Variants in MAST4 observed in about 807,000 individuals in gnomAD.
The protein encoded by MAST4 is microtubule associated serine/threonine kinase family member 4, also known as microtubule-associated serine/threonine-protein kinase 4.
MAST4 carries 89 observed loss-of-function variants against 162.7 expected under a neutral mutation model. The observed-to-expected ratio is 0.55, with a 90% CI of 0.46 to 0.65. The LOEUF is 0.65. MAST4 is among the 30% of genes least tolerant of loss of function. MAST4 has a pLI of 0.00. For missense variants in MAST4, 3,153 were observed against 3,374.0 expected (o/e 0.93, Z 1.62); for synonymous variants, 1,479 against 1,361.1 (o/e 1.09, Z -1.91).
chr5:67,121,158 T>G, intron 14 of MAST4, 56 bp downstream of exon 14: 1 of 1,346,008 alleles, frequency 7.4e-7, no homozygotes, highest in South Asian at 1.3e-5. Context: ...AGTGATATAT[T>G]TATTCTTAAC....
At chr5:66,709,168 CA>C (rs1366676825) in intron 1 of MAST4, among the ~76,000 whole-genome samples, 10 of 151,960 alleles carry the variant, frequency 6.6e-5, no homozygotes, top group African/African-American at 2.2e-4. Context: ...TCCAGGAAAG[CA>C]CCAAGAATAT....
intron 5 of MAST4, among the ~76,000 whole-genome samples, chr5:67,078,307 A>G (rs923031699): frequency 2.0e-5 from 3 of 150,812 alleles, no homozygotes; most frequent in African/African-American, 4.9e-5. Flanking sequence ...CCAGTCTTCA[A>G]TATATTGACA....
rs1774039200 is a variant in MAST4 at position 67,166,726 on chromosome 5, CAA to C, written c.7549_7550del (p.Lys2517GlufsTer2). On this transcript the variant is annotated frameshift_variant, in exon 29 of 29. Transcript: ENST00000403625. LOFTEE classifies it low-confidence loss of function (END_TRUNC). ...GCCGGGGAGGGCCGAACCCACATGACAAAGAGTGACTCCCTGCCCTCCTTCCG... is the reference window on the plus strand; with the variant it reads ...GCCGGGGAGGGCCGAACCCACATGACAGAGTGACTCCCTGCCCTCCTTCCG... 6.3e-7 allele frequency: 1 copy of C among 1,589,940 alleles called. No individual in the cohort carries two copies. Among genetic ancestry groups the C allele is most frequent in the Non-Finnish European group, 8.6e-7 (1 of 1,168,376 alleles).
At chr5:66,897,886 A>C (rs464731) in intron 3 of MAST4, among the ~76,000 whole-genome samples, 2 of 152,000 alleles carry the variant, frequency 1.3e-5, no homozygotes, top group Non-Finnish European at 1.5e-5. Flanking sequence ...TCTCAGAGCA[A>C]AGCAGCCAGT....
chr5:66,870,862 T>G, intron 3 of MAST4: 1 of 471,440 alleles, frequency 2.1e-6, no homozygotes, highest in Non-Finnish European at 4.4e-6. Flanking sequence ...AGTGAGTGTG[T>G]CCTGTTGCCC....
chr5:67,124,745 T>G (rs1768008082), intron 14 of MAST4, among the ~76,000 whole-genome samples: 1 of 152,208 alleles, frequency 6.6e-6, no homozygotes, highest in Non-Finnish European at 1.5e-5. Context: ...ATTAACTGAT[T>G]ATTGTAAGTA....
chr5:66,828,088 C>A lies in MAST4; in HGVS notation c.642+39294C>A, dbSNP rs530419590. Among the ~76,000 whole-genome samples the A allele has an allele frequency of 2.6e-4, 39 of 152,274 alleles. No homozygotes were observed. In the South Asian group the frequency reaches 8.1e-3, roughly 32 times the overall value. ...GCTCTTAGAATCCCCTCCACCCAAC[C>A]TTTTTACATTTTGGTCAGGTATCAG... On this transcript the variant is annotated intron_variant, in intron 3 of 28. Coordinates refer to ENST00000403625, the MANE Select transcript of MAST4 (RefSeq NM_001164664.2).
chr5:66,709,621 A>G (rs1025235875), intron 1 of MAST4, among the ~76,000 whole-genome samples: 1 of 152,142 alleles, frequency 6.6e-6, no homozygotes, highest in Non-Finnish European at 1.5e-5. Context: ...GCAGCCCCCA[A>G]AATGAATGTT....
chr5:66,967,120 A>T (rs1448412401), intron 4 of MAST4, among the ~76,000 whole-genome samples: 2 of 152,176 alleles, frequency 1.3e-5, no homozygotes, highest in African/African-American at 2.4e-5. Context: ...ATTGATTGTG[A>T]TGGGTCAGAT....
chr5:66,959,801 A>G (rs1172088746), intron 4 of MAST4, among the ~76,000 whole-genome samples: 2 of 151,986 alleles, frequency 1.3e-5, no homozygotes, highest in Non-Finnish European at 2.9e-5. Flanking sequence ...TCCTCTCTGC[A>G]GAATCTCCAG....
intron 4 of MAST4, among the ~76,000 whole-genome samples, chr5:66,904,452 G>A (rs1763212100): frequency 6.6e-6 from 1 of 152,142 alleles, no homozygotes; most frequent in Admixed American, 6.5e-5. Context: ...TAGAGAAGAA[G>A]GAAACTGTAC....
intron 1 of MAST4, among the ~76,000 whole-genome samples, chr5:66,612,010 A>G (rs1743319577): frequency 6.6e-6 from 1 of 152,196 alleles, no homozygotes; most frequent in Admixed American, 6.5e-5. Context: ...AATAATTTGA[A>G]TTTTGAGGGG....
At chr5:67,031,822 G>C (rs1312197106) in intron 4 of MAST4, among the ~76,000 whole-genome samples, 1 of 152,074 alleles carries the variant, frequency 6.6e-6, no homozygotes, top group Non-Finnish European at 1.5e-5. Context: ...CATAGGTCAG[G>C]ATGGCAGTTC....
At chr5:67,070,673 A>G (rs1760846014) in intron 5 of MAST4, among the ~76,000 whole-genome samples, 2 of 152,240 alleles carry the variant, frequency 1.3e-5, no homozygotes, top group African/African-American at 2.4e-5. Flanking sequence ...GAACATACCA[A>G]TGATCATTCA....
chr5:66,818,409 GAGAAATTTTGCCACTAAAAATAAAAAA>G (rs1182309425), intron 3 of MAST4, among the ~76,000 whole-genome samples: 1 of 148,332 alleles, frequency 6.7e-6, no homozygotes, highest in Non-Finnish European at 1.5e-5. Context: ...GTAGTATAAA[GAGAAATTTTGCCACTAAAAATAAAAAA>G]AAAAACAGAA....
rs111797100 is a variant in MAST4, at chr5:66,883,650, A to G, written c.643-16301A>G. 7.6e-3 allele frequency among the ~76,000 whole-genome samples: 1,154 copies of G among 152,158 alleles called. 20 individuals carry two copies. The highest frequency in any genetic ancestry group is 0.026 in the African/African-American group (1,092 of 41,502). On this transcript the variant is annotated intron_variant, in intron 3 of 28. Coordinates refer to ENST00000403625, the MANE Select transcript of MAST4 (RefSeq NM_001164664.2). ...CACCATGTTGGTCAGGCTGGCCTCG[A>G]ACTCCTGACCTCGTGATCCACCCAC...
chr5:66,705,705 T>C (rs931943882), intron 1 of MAST4, among the ~76,000 whole-genome samples: 1 of 152,226 alleles, frequency 6.6e-6, no homozygotes, highest in Admixed American at 6.5e-5. Flanking sequence ...TCAGAAGATA[T>C]GTTTTCTTGA....
chr5:66,600,654 A>C (rs951224005), intron 1 of MAST4, among the ~76,000 whole-genome samples: 2 of 152,268 alleles, frequency 1.3e-5, no homozygotes, highest in African/African-American at 4.8e-5. Flanking sequence ...GTCTGTTGTG[A>C]ATTATGATAT....
At chr5:67,017,294 G>A (rs1417443978) in intron 4 of MAST4, among the ~76,000 whole-genome samples, 1 of 152,154 alleles carries the variant, frequency 6.6e-6, no homozygotes, top group African/African-American at 2.4e-5. Flanking sequence ...TTGAGGAATA[G>A]CTGCCCCTAC....
Sources: gnomAD v4.1 joint callset for allele counts (sites outside exome capture counted in the v4.1 genomes callset) on GRCh38, gnomAD v4.1.1 for gene constraint, MANE v1.5 for transcripts, NCBI Gene and HGNC (gene_info 2026-07-23, HGNC 2026-07-21) for gene names.